HNF4A: variants seen among roughly 807,000 people sequenced by gnomAD.
HNF4A encodes hepatocyte nuclear factor 4-alpha.
HNF4A carries 15 observed loss-of-function variants against 52.4 expected under a neutral mutation model. The observed-to-expected ratio is 0.29, with a 90% CI of 0.19 to 0.44. The LOEUF (loss-of-function observed/expected upper bound fraction) is 0.44, where lower values mean the gene tolerates loss of function less well. Among genes scored for constraint, HNF4A ranks in the 20% least tolerant of loss-of-function variants. The pLI is 1.00. For missense variants in HNF4A, 479 were observed against 647.2 expected, an observed-to-expected ratio of 0.74 and a Z score of 2.82; for synonymous variants, 280 against 264.4, an observed-to-expected ratio of 1.06 and a Z score of -0.57.
At chr20:44,371,975 C>T (rs1392513850) in intron 1 of HNF4A, among the ~76,000 whole-genome samples, 1 of 152,136 alleles carries the variant, frequency 6.6e-6, no homozygotes, top group East Asian at 1.9e-4. Context: ...TCCTTAGTGT[C>T]CCCATACGGA....
intron 1 of HNF4A, among the ~76,000 whole-genome samples, chr20:44,369,980 T>C (rs2063014935): frequency 6.6e-6 from 1 of 152,060 alleles, no homozygotes; most frequent in African/African-American, 2.4e-5. Flanking sequence ...CTCTCGTCTT[T>C]CTCCCTTTGG....
intron 1 of HNF4A, chr20:44,392,214 G>A (rs1276740545): frequency 6.6e-6 from 1 of 152,190 alleles, no homozygotes; most frequent in African/African-American, 2.4e-5. Flanking sequence ...ATGGTGCCAA[G>A]CACTGTCTGA....
chr20:44,410,766 G>A (rs1471008546), intron 3 of HNF4A, among the ~76,000 whole-genome samples: 1 of 152,076 alleles, frequency 6.6e-6, no homozygotes, highest in Non-Finnish European at 1.5e-5. Flanking sequence ...GATGTGACGG[G>A]TCAGGGGTGG....
At chr20:44,379,733 T>G (rs1273563929) in intron 1 of HNF4A, among the ~76,000 whole-genome samples, 12 of 65,668 alleles carry the variant, frequency 1.8e-4, no homozygotes, top group African/African-American at 7.7e-4. Flanking sequence ...TCTTTTCCTT[T>G]TTTTTTTTTT....
intron 1 of HNF4A, among the ~76,000 whole-genome samples, chr20:44,383,742 C>T (rs2063184557): frequency 6.6e-6 from 1 of 151,766 alleles, no homozygotes; most frequent in Admixed American, 6.6e-5. Context: ...TAAGTAGAGA[C>T]AGGATATCAC....
chr20:44,391,208 C>T (rs1157861769), intron 1 of HNF4A, among the ~76,000 whole-genome samples: 2 of 152,210 alleles, frequency 1.3e-5, no homozygotes, highest in African/African-American at 2.4e-5. Flanking sequence ...TCATCCTCCT[C>T]CTGACTTCCC....
In HNF4A at chr20:44,401,532, G is replaced by A. The variant is rs1436489227; in HGVS notation, c.115+45G>A. The A allele has an allele frequency of 2.5e-6, 4 of 1,610,722 alleles. No individual in the cohort carries two copies. The African/African-American group carries it at 5.3e-5, about 22-fold the overall frequency. On this transcript the variant is annotated intron_variant, in intron 1 of 9. Coordinates refer to ENST00000316099, the MANE Select transcript of HNF4A (RefSeq NM_000457.6). Reference sequence around the variant, plus strand: ...CCCAGGTGTGCCAGTGGGGGCAGGTGTGCCTGGGTCCAGGAGCAGATCTTT... The same window carrying A: ...CCCAGGTGTGCCAGTGGGGGCAGGTATGCCTGGGTCCAGGAGCAGATCTTT...
chr20:44,396,146 C>A (rs1275924103), intron 1 of HNF4A, among the ~76,000 whole-genome samples: 1 of 152,116 alleles, frequency 6.6e-6, no homozygotes, highest in Non-Finnish European at 1.5e-5. Context: ...GAGGCAGACT[C>A]GGGTTCAAAC....
chr20:44,409,839 CT>C (rs11468260), intron 3 of HNF4A, among the ~76,000 whole-genome samples: 68,339 of 143,894 alleles, frequency 0.47, 16,260 homozygotes, highest in African/African-American at 0.5. Context: ...CTGGTCCCTT[CT>C]TTTTTTTTTT....
intron 1 of HNF4A, chr20:44,384,441 A>G (rs560991584): frequency 1.3e-5 from 2 of 152,336 alleles, no homozygotes; most frequent in East Asian, 3.9e-4. Context: ...GACTGTGTTC[A>G]GTCAAGTGAA....
rs2063717140 is a variant in HNF4A at position 44,419,717 on chromosome 20, C to G, written c.737-4C>G. 6.8e-7 allele frequency: 1 copy of G among 1,481,324 alleles called. No individual in the cohort carries two copies. Among genetic ancestry groups the G allele is most frequent in the South Asian group, 1.1e-5 (1 of 89,106 alleles). The allele number at this position is 1,481,324 out of a possible 1,614,324, so 91.8% of individuals were successfully genotyped here. The stretch of plus-strand genomic sequence containing the variant: ...CCATCCTCCCTCCCTCCCAACCCTT[C>G]CAGGCAATGACTACATTGTCCCTCG... On this transcript the variant is annotated splice_region_variant and splice_polypyrimidine_tract_variant and intron_variant, in intron 6 of 9. Transcript: ENST00000316099.
chr20:44,360,574 T>C (rs1048538410), intron 1 of HNF4A, among the ~76,000 whole-genome samples: 9 of 152,050 alleles, frequency 5.9e-5, no homozygotes, highest in African/African-American at 2.2e-4. Context: ...GATGGATGAA[T>C]GGATGGATAA....
chr20:44,408,051 T>G (rs8122476), intron 3 of HNF4A: 31,508 of 169,440 alleles, frequency 0.19, 3,388 homozygotes, highest in Middle Eastern at 0.26. Flanking sequence ...GAGCACAACA[T>G]TTATTAAGGT....
chr20:44,410,721 C>T (rs1269655192), intron 3 of HNF4A, among the ~76,000 whole-genome samples: 1 of 152,132 alleles, frequency 6.6e-6, no homozygotes, highest in African/African-American at 2.4e-5. Flanking sequence ...ACCTGCTCCC[C>T]ACTTTACAGA....
chr20:44,393,724 T>G (rs1408180635), intron 1 of HNF4A, among the ~76,000 whole-genome samples: 1 of 152,094 alleles, frequency 6.6e-6, no homozygotes, highest in Non-Finnish European at 1.5e-5. Flanking sequence ...AATGTGTATA[T>G]TTTGCTTCAT....
At chr20:44,358,171 G>A (rs1216808849) in intron 1 of HNF4A, among the ~76,000 whole-genome samples, 1 of 147,518 alleles carries the variant, frequency 6.8e-6, no homozygotes, top group African/African-American at 2.5e-5. Context: ...GGTCTTGTGA[G>A]TCAAATCATT....
chr20:44,369,967 G>A (rs1441225137), intron 1 of HNF4A, among the ~76,000 whole-genome samples: 6 of 151,968 alleles, frequency 3.9e-5, no homozygotes, highest in Non-Finnish European at 7.4e-5. Context: ...CTTGTCTGAT[G>A]GTCTCTCGTC....
At chr20:44,390,644 C>G (rs780566668) in intron 1 of HNF4A, 1 of 702,500 alleles carries the variant, frequency 1.4e-6, no homozygotes, top group Admixed American at 2.0e-5. Flanking sequence ...AGGAGGATGT[C>G]GGACTGGGGC....
chr20:44,412,012 G>T (rs2063591295), intron 3 of HNF4A, among the ~76,000 whole-genome samples: 1 of 151,440 alleles, frequency 6.6e-6, no homozygotes, highest in African/African-American at 2.4e-5. Flanking sequence ...AGCTATGATT[G>T]CACCACTGCA....
Sources: gnomAD v4.1 joint callset for allele counts (sites outside exome capture counted in the v4.1 genomes callset) on GRCh38, gnomAD v4.1.1 for gene constraint, MANE v1.5 for transcripts, NCBI Gene and HGNC (gene_info 2026-07-23, HGNC 2026-07-21) for gene names.